The following CFAP20DC variants were observed in gnomAD, a reference collection of about 807,000 sequenced individuals.
CFAP20DC encodes the protein protein CFAP20DC.
CFAP20DC carries 84 observed loss-of-function variants against 101.7 expected under a neutral mutation model. The ratio of observed to expected loss-of-function variants is 0.83; its 90% CI spans 0.69 to 0.99. The LOEUF (loss-of-function observed/expected upper bound fraction) is 0.99, where lower values mean the gene tolerates loss of function less well. Among genes scored for constraint, CFAP20DC ranks in the 50% least tolerant of loss-of-function variants. The pLI is 0.00. For synonymous variants in CFAP20DC, 359 were observed against 351.2 expected, an observed-to-expected ratio of 1.02 and a Z score of -0.25; for missense variants, 1,007 against 970.3, an observed-to-expected ratio of 1.04 and a Z score of -0.50.
intron 12 of CFAP20DC, chr3:58,862,218 T>A: frequency 1.0e-6 from 1 of 985,180 alleles, no homozygotes; most frequent in Middle Eastern, 5.2e-4. Flanking sequence ...GAGATTGTGC[T>A]GTGCATATGG....
chr3:58,742,444 GC>G lies in CFAP20DC; in HGVS notation c.*15del. ...CTCCAGCTGGGAGTGCCTGCTCTCTGCCCCGGAAGGAGGCATTATACCAACT... is the reference window on the plus strand; with the variant it reads ...CTCCAGCTGGGAGTGCCTGCTCTCTGCCCGGAAGGAGGCATTATACCAACT... On this transcript the variant is annotated 3_prime_UTR_variant, in exon 17 of 17. Coordinates refer to ENST00000482387, the MANE Select transcript of CFAP20DC (RefSeq NM_001394063.1). 6.3e-7 allele frequency: 1 copy of G among 1,583,018 alleles called. No homozygotes were observed. The highest frequency in any genetic ancestry group is 8.6e-7 in the Non-Finnish European group (1 of 1,164,394).
rs116837974 is a variant in CFAP20DC, at chr3:58,919,772, T to C, written c.394-5908A>G. On this transcript the variant is annotated intron_variant, in intron 5 of 16. Transcript: ENST00000482387. ...TTCAGAGTTTTAATGATATTGTAAA[T>C]ATCTTTAAACCCTGAAATTTTTAAT... is the stretch of plus-strand genomic sequence containing the variant. Among the ~76,000 whole-genome samples the C allele has an allele frequency of 4.5e-3, 685 of 152,350 alleles. 5 individuals carry two copies. Among genetic ancestry groups the C allele is most frequent in the African/African-American group, 0.016 (670 of 41,580 alleles).
intron 4 of CFAP20DC, among the ~76,000 whole-genome samples, chr3:58,974,054 A>T (rs2092120843): frequency 1.3e-5 from 2 of 152,078 alleles, no homozygotes; most frequent in African/African-American, 4.8e-5. Flanking sequence ...ACCTCCCAGG[A>T]CACAGAGCAA....
chr3:58,758,616 C>T (rs1172282485), intron 15 of CFAP20DC, among the ~76,000 whole-genome samples: 1 of 152,078 alleles, frequency 6.6e-6, no homozygotes, highest in Non-Finnish European at 1.5e-5. Flanking sequence ...TACACATGTG[C>T]CATGTTGGTG....
intron 15 of CFAP20DC, among the ~76,000 whole-genome samples, chr3:58,773,749 T>C (rs140446309): frequency 1.2e-3 from 184 of 152,302 alleles, no homozygotes; most frequent in East Asian, 6.9e-3. Context: ...TAAAAATACA[T>C]CATTCAAGAG....
intron 12 of CFAP20DC, among the ~76,000 whole-genome samples, chr3:58,855,603 A>G (rs2078708228): frequency 6.6e-6 from 1 of 152,144 alleles, no homozygotes; most frequent in Admixed American, 6.5e-5. Context: ...CAACAATGAT[A>G]GAATGGATTA....
intron 4 of CFAP20DC, among the ~76,000 whole-genome samples, chr3:59,035,309 A>C (rs905396165): frequency 1.3e-5 from 2 of 152,228 alleles, no homozygotes; most frequent in African/African-American, 4.8e-5. Context: ...AAACAAATTC[A>C]AAAGCTAGCA....
Position 58,721,056 on chromosome 3 carries a change from T to C in CFAP20DC, c.198-3428A>G, listed in dbSNP as rs535349096. 1.7e-3 allele frequency among the ~76,000 whole-genome samples: 256 copies of C among 152,218 alleles called. No individual in the cohort carries two copies. The highest frequency in any genetic ancestry group is 2.8e-3 in the Non-Finnish European group (188 of 68,004). The stretch of plus-strand genomic sequence containing the variant: ...CTCCAAGGCTAGGTTAGGTTCCTCA[T>C]TTTTCTCTCCCAGAGCTTTTCTTTC... On this transcript the variant is annotated intron_variant, in intron 3 of 3. Coordinates refer to the CFAP20DC transcript ENST00000486145. This position sits in a 1 kb window ranked among gnomAD's most constrained non-coding sequence, Gnocchi z 5.2.
intron 14 of CFAP20DC, among the ~76,000 whole-genome samples, chr3:58,809,462 T>G (rs1478457632): frequency 1.3e-5 from 2 of 151,862 alleles, no homozygotes; most frequent in African/African-American, 2.4e-5. Context: ...ACTGGGTACA[T>G]AACGAAATGA....
chr3:58,810,479 A>C (rs1165386626), intron 14 of CFAP20DC, among the ~76,000 whole-genome samples: 2 of 152,196 alleles, frequency 1.3e-5, no homozygotes, highest in Non-Finnish European at 2.9e-5. Flanking sequence ...TAGATGCAGA[A>C]AAGGCCTCTG....
intron 4 of CFAP20DC, among the ~76,000 whole-genome samples, chr3:59,027,489 C>T (rs71313703): frequency 1.3e-5 from 2 of 152,222 alleles, no homozygotes; most frequent in East Asian, 3.9e-4. Flanking sequence ...AAAGCACTTG[C>T]TGAGCTGCAT....
intron 15 of CFAP20DC, among the ~76,000 whole-genome samples, chr3:58,781,847 C>T (rs2071859368): frequency 6.6e-6 from 1 of 151,952 alleles, no homozygotes; most frequent in African/African-American, 2.4e-5. Context: ...CCAAATTCCA[C>T]CAAGCTTTCA....
chr3:58,832,154 T>G (rs1039117442), intron 13 of CFAP20DC, among the ~76,000 whole-genome samples: 3 of 152,228 alleles, frequency 2.0e-5, no homozygotes, highest in African/African-American at 7.2e-5. Context: ...CCCCTCTGCC[T>G]CGTGTTCTGG....
At chr3:58,781,591 G>T (rs546017069) in intron 15 of CFAP20DC, among the ~76,000 whole-genome samples, 18 of 151,846 alleles carry the variant, frequency 1.2e-4, no homozygotes, top group African/African-American at 4.3e-4. Flanking sequence ...AATCAGAAAT[G>T]AAACCGAAGA....
intron 4 of CFAP20DC, among the ~76,000 whole-genome samples, chr3:58,989,834 A>G (rs1489241215): frequency 6.6e-6 from 1 of 152,188 alleles, no homozygotes; most frequent in Non-Finnish European, 1.5e-5. Context: ...GCAAGAAATG[A>G]GCCATTTATT....
intron 4 of CFAP20DC, among the ~76,000 whole-genome samples, chr3:59,033,709 C>T (rs781778279): frequency 2.0e-5 from 3 of 152,000 alleles, no homozygotes; most frequent in Non-Finnish European, 4.4e-5. Flanking sequence ...GTGAAAATAC[C>T]AAACCTATGT....
At chr3:58,834,049 A>G (rs941911271) in intron 13 of CFAP20DC, among the ~76,000 whole-genome samples, 4 of 152,148 alleles carry the variant, frequency 2.6e-5, no homozygotes, top group Non-Finnish European at 5.9e-5. Flanking sequence ...GGAAAGGGAA[A>G]CGGGAAGTGA....
At chr3:58,932,063 C>T (rs1280812133) in intron 5 of CFAP20DC, among the ~76,000 whole-genome samples, 1 of 152,234 alleles carries the variant, frequency 6.6e-6, no homozygotes. Flanking sequence ...ATAACCAATA[C>T]AGAGAAGTGC....
chr3:58,810,230 G>GCC (rs2074494299), intron 14 of CFAP20DC, among the ~76,000 whole-genome samples: 1 of 152,026 alleles, frequency 6.6e-6, no homozygotes, highest in Non-Finnish European at 1.5e-5. Context: ...TGATACCAAA[G>GCC]TTGGGCAGAG....
Sources: gnomAD v4.1 joint callset for allele counts (sites outside exome capture counted in the v4.1 genomes callset) on GRCh38, gnomAD v4.1.1 for gene constraint, Gnocchi (gnomAD v3.1) non-coding constraint, MANE v1.5 for transcripts, NCBI Gene and HGNC (gene_info 2026-07-23, HGNC 2026-07-21) for gene names.